The following MLANA variants were observed in gnomAD, a reference collection of about 807,000 sequenced individuals.
The protein encoded by MLANA is melan-A.
A neutral mutation model predicts 15.7 loss-of-function variants in MLANA; 21 were observed. That is an observed-to-expected ratio of 1.33 (90% CI 0.95 to 1.92). The LOEUF (loss-of-function observed/expected upper bound fraction) is 1.92. Ranked by LOEUF, MLANA falls within the 40% of genes most tolerant of loss-of-function variation. The pLI, the probability that MLANA is intolerant of heterozygous loss-of-function variation, is 0.00. For missense variants in MLANA, 164 were observed against 143.8 expected (o/e 1.14, Z -0.72); for synonymous variants, 56 against 51.5 (o/e 1.09, Z -0.37).
At chr9:5,903,555 T>C (rs7872509) in intron 3 of MLANA, among the ~76,000 whole-genome samples, 26,312 of 152,204 alleles carry the variant, frequency 0.17, 2,381 homozygotes, top group Middle Eastern at 0.22. Context: ...TTTTACCTGC[T>C]GGCTTTGTGT....
chr9:5,903,863 C>CT (rs770865430), intron 3 of MLANA, among the ~76,000 whole-genome samples: 1,685 of 147,004 alleles, frequency 0.011, 17 homozygotes, highest in Non-Finnish European at 0.014. Flanking sequence ...TATGCACTTA[C>CT]TTTTTTTTTT....
rs1833054480 is a variant in MLANA at position 5,909,809 on chromosome 9, G to A, written c.*1101G>A. ...AGAATGTGCAGAAGAAATCATAAAGGATCAGAGATTCTGGAATGGTGTCAT... is the reference window on the plus strand; with the variant it reads ...AGAATGTGCAGAAGAAATCATAAAGAATCAGAGATTCTGGAATGGTGTCAT... On this transcript the variant is annotated 3_prime_UTR_variant, in exon 5 of 5. Transcript: ENST00000381477. The A allele has an allele frequency of 6.6e-6, 1 of 152,172 alleles. No homozygotes were observed. Among genetic ancestry groups the A allele is most frequent in the South Asian group, 2.1e-4 (1 of 4,832 alleles). 9.4% of individuals were successfully genotyped at this position (152,172 alleles called of 1,614,324 possible).
Position 5,894,448 on chromosome 9 carries a change from A to G in MLANA, c.77+1897A>G, listed in dbSNP as rs1831873824. 6.6e-6 allele frequency among the ~76,000 whole-genome samples: 1 copy of G among 152,116 alleles called. No homozygotes were observed. The highest frequency in any genetic ancestry group is 2.1e-4 in the South Asian group (1 of 4,814). Reference sequence around the variant, plus strand: ...CCCCCGTGTCTGGGGTAACAAACGGAAGGGTGAGGCCATCAGGACCTAGAG... The same window carrying G: ...CCCCCGTGTCTGGGGTAACAAACGGGAGGGTGAGGCCATCAGGACCTAGAG... On this transcript the variant is annotated intron_variant, in intron 2 of 4. Coordinates refer to ENST00000381477, the MANE Select transcript of MLANA (RefSeq NM_005511.2). This position sits in a 1 kb window ranked among gnomAD's most constrained non-coding sequence, Gnocchi z 4.0.
intron 2 of MLANA, among the ~76,000 whole-genome samples, chr9:5,896,276 C>T (rs1026408936): frequency 1.3e-5 from 2 of 152,178 alleles, no homozygotes; most frequent in African/African-American, 4.8e-5. Context: ...GTGCCTAGCC[C>T]AGTGCCTGGC....
At chr9:5,899,593 A>G (rs1265612010) in intron 3 of MLANA, among the ~76,000 whole-genome samples, 1 of 152,234 alleles carries the variant, frequency 6.6e-6, no homozygotes, top group African/African-American at 2.4e-5. Context: ...AGTTAGGGAT[A>G]GAATTCCTGC....
chr9:5,891,068 C>T (rs1295463792), intron 1 of MLANA, 132 bp downstream of exon 1: 1 of 152,166 alleles, frequency 6.6e-6, no homozygotes, highest in African/African-American at 2.4e-5. Context: ...TTCTCCGCAA[C>T]GTTTGTCAGT....
At chr9:5,902,699 G>A (rs377685428) in intron 3 of MLANA, among the ~76,000 whole-genome samples, 1 of 151,338 alleles carries the variant, frequency 6.6e-6, no homozygotes, top group Non-Finnish European at 1.5e-5. Context: ...TAGAGACAGA[G>A]TCTCACTATG....
At chr9:5,902,817 T>G (rs891269344) in intron 3 of MLANA, among the ~76,000 whole-genome samples, 10 of 152,188 alleles carry the variant, frequency 6.6e-5, no homozygotes, top group African/African-American at 2.4e-4. Context: ...GATTTCTTGT[T>G]TTCAATTTCA....
At chr9:5,905,021 C>T (rs997963005) in intron 3 of MLANA, among the ~76,000 whole-genome samples, 1 of 151,906 alleles carries the variant, frequency 6.6e-6, no homozygotes, top group Admixed American at 6.6e-5. Flanking sequence ...GATCCACACG[C>T]CTTGACCTCC....
chr9:5,895,500 G>A (rs1404117264), intron 2 of MLANA, among the ~76,000 whole-genome samples: 2 of 152,182 alleles, frequency 1.3e-5, no homozygotes, highest in Admixed American at 6.5e-5. Flanking sequence ...AATTGTGCCA[G>A]CAGGTGGAAT....
At chr9:5,908,127 A>C (rs1157210621) in intron 4 of MLANA, among the ~76,000 whole-genome samples, 2 of 152,194 alleles carry the variant, frequency 1.3e-5, no homozygotes, top group African/African-American at 4.8e-5. Flanking sequence ...TGGGCAAGCG[A>C]GTTAACCTCT....
Position 5,908,819 on chromosome 9 carries a change from C to A in MLANA, c.*111C>A. On this transcript the variant is annotated 3_prime_UTR_variant, in exon 5 of 5. Coordinates refer to ENST00000381477, the MANE Select transcript of MLANA (RefSeq NM_005511.2). ...TGGAATGGTGTAGGAAAAATGCAAGCCATCTCTAATAATAAGTCAGTGTTA... is the reference window on the plus strand; with the variant it reads ...TGGAATGGTGTAGGAAAAATGCAAGACATCTCTAATAATAAGTCAGTGTTA... 1 of 1,003,906 alleles carries A rather than the reference C, an allele frequency of 1.0e-6. No individual in the cohort carries two copies. The highest frequency in any genetic ancestry group is 1.5e-6 in the Non-Finnish European group (1 of 651,928). The allele number at this position is 1,003,906 out of a possible 1,614,324, so 62.2% of individuals were successfully genotyped here.
At chr9:5,907,477 T>C (rs1832889816) in intron 4 of MLANA, among the ~76,000 whole-genome samples, 1 of 152,228 alleles carries the variant, frequency 6.6e-6, no homozygotes, top group African/African-American at 2.4e-5. Context: ...TGAAATAAGA[T>C]GTATTATAAT....
At position 5,900,316 on chromosome 9, in the gene MLANA, T is replaced by A. The variant is rs199718588; in HGVS notation, c.174+2663T>A. ...TCAGTGGTTTGTAGTTTCTGAGACT[T>A]TTTATTGAGAGGGAATCGTGTTTAA... is the stretch of plus-strand genomic sequence containing the variant. On this transcript the variant is annotated intron_variant, in intron 3 of 4. Coordinates refer to ENST00000381477, the MANE Select transcript of MLANA (RefSeq NM_005511.2). 2.4e-4 allele frequency among the ~76,000 whole-genome samples: 37 copies of A among 152,280 alleles called. 1 individual carries two copies. In the East Asian group the frequency reaches 6.9e-3, roughly 29 times the overall value.
At chr9:5,895,878 C>T (rs536918380) in intron 2 of MLANA, among the ~76,000 whole-genome samples, 131 of 152,354 alleles carry the variant, frequency 8.6e-4, no homozygotes, top group Non-Finnish European at 1.6e-3. Context: ...GTGAGTACCA[C>T]GTGACCATGC....
chr9:5,910,512 TC>T lies in MLANA; in HGVS notation c.*1806del, dbSNP rs1364879891. Reference sequence around the variant, plus strand: ...AAACTTCATCAGGCATTTGGGTACCTCCTCCCCTCACCACGAGGTCTCTGCT... The same window carrying T: ...AAACTTCATCAGGCATTTGGGTACCTCTCCCCTCACCACGAGGTCTCTGCT... On this transcript the variant is annotated 3_prime_UTR_variant, in exon 5 of 5. Transcript: ENST00000381477. The T allele has an allele frequency of 6.6e-6, 1 of 152,148 alleles. No individual in the cohort carries two copies. Among genetic ancestry groups the T allele is most frequent in the African/African-American group, 2.4e-5 (1 of 41,428 alleles). 9.4% of individuals were successfully genotyped at this position (152,148 alleles called of 1,614,324 possible). A position where few individuals can be genotyped will look rare whatever the true frequency, so the allele number is the denominator to read the frequency against.
In MLANA at chr9:5,908,740, T is replaced by C. The variant is rs138188973; in HGVS notation, c.*32T>C. On this transcript the variant is annotated 3_prime_UTR_variant, in exon 5 of 5. Coordinates refer to ENST00000381477, the MANE Select transcript of MLANA (RefSeq NM_005511.2). Reference sequence around the variant, plus strand: ...GCGAGACACCTGAGACATGCTGAAATTATTTCTCTCACACTTTTGCTTGAA... The same window carrying C: ...GCGAGACACCTGAGACATGCTGAAACTATTTCTCTCACACTTTTGCTTGAA... The C allele has an allele frequency of 8.2e-6, 13 of 1,585,458 alleles. No homozygotes were observed. Among genetic ancestry groups the C allele is most frequent in the African/African-American group, 6.7e-5 (5 of 74,400 alleles).
chr9:5,907,102 C>G, intron 4 of MLANA, 104 bp downstream of exon 4: 1 of 717,238 alleles, frequency 1.4e-6, no homozygotes, highest in South Asian at 2.5e-5. Flanking sequence ...TGAATGTACT[C>G]ATTGCCACTG....
At chr9:5,893,686 A>G (rs899022371) in intron 2 of MLANA, among the ~76,000 whole-genome samples, 2 of 152,166 alleles carry the variant, frequency 1.3e-5, no homozygotes, top group African/African-American at 4.8e-5. Context: ...ACTCTTTAAA[A>G]TATACTTTTA....
Sources: allele counts gnomAD v4.1 joint callset (sites outside exome capture counted in the v4.1 genomes callset), GRCh38; gene constraint gnomAD v4.1.1; non-coding constraint Gnocchi (gnomAD v3.1); transcripts MANE v1.5; gene names NCBI Gene and HGNC (gene_info 2026-07-23, HGNC 2026-07-21).